The following NMT2 variants were observed in gnomAD, a reference collection of about 807,000 sequenced individuals.
The protein encoded by NMT2 is N-myristoyltransferase 2.
In NMT2, 35 loss-of-function variants were observed where a neutral mutation model predicts 65.4. That is an observed-to-expected ratio of 0.54 (90% CI 0.41 to 0.71). The LOEUF (loss-of-function observed/expected upper bound fraction) is 0.71. NMT2 is among the 30% of genes least tolerant of loss of function. The probability of loss-of-function intolerance (pLI) is 0.00; values close to 1 mark genes in which losing one functional copy is unlikely to be tolerated. For synonymous variants in NMT2, 226 were observed against 231.8 expected (o/e 0.98, Z 0.23); for missense variants, 489 against 611.3 (o/e 0.80, Z 2.11).
intron 1 of NMT2, among the ~76,000 whole-genome samples, chr10:15,168,121 C>T (rs914200416): frequency 1.3e-4 from 20 of 152,178 alleles, no homozygotes; most frequent in African/African-American, 3.9e-4. Context: ...CCCCAGGCTG[C>T]GGCCGCCACA....
intron 3 of NMT2, among the ~76,000 whole-genome samples, chr10:15,134,385 G>A (rs1846397976): frequency 6.6e-6 from 1 of 152,300 alleles, no homozygotes; most frequent in Non-Finnish European, 1.5e-5. Context: ...CCTTCCTGGT[G>A]CCTTCCTTAG....
At chr10:15,117,594 C>T (rs1007772080) in intron 9 of NMT2, among the ~76,000 whole-genome samples, 6 of 152,132 alleles carry the variant, frequency 3.9e-5, no homozygotes, top group Non-Finnish European at 5.9e-5. Flanking sequence ...GGAAAGGAAG[C>T]AATAAAGCTG....
At chr10:15,129,094 G>C (rs1225162298) in intron 7 of NMT2, among the ~76,000 whole-genome samples, 2 of 152,142 alleles carry the variant, frequency 1.3e-5, no homozygotes, top group Non-Finnish European at 2.9e-5. Context: ...CAATCAGAAA[G>C]TTTAAAAACA....
chr10:15,153,255 C>T (rs1459325682), intron 1 of NMT2, among the ~76,000 whole-genome samples: 4 of 152,172 alleles, frequency 2.6e-5, no homozygotes, highest in Admixed American at 1.3e-4. Flanking sequence ...ACCTCCCCTC[C>T]GCCATCTCTA....
At chr10:15,110,166 A>G (rs1335043389) in intron 10 of NMT2, among the ~76,000 whole-genome samples, 6 of 152,140 alleles carry the variant, frequency 3.9e-5, no homozygotes, top group Non-Finnish European at 8.8e-5. Context: ...CCAGCTACTC[A>G]GGAGGCTGAG....
intron 6 of NMT2, among the ~76,000 whole-genome samples, chr10:15,131,298 T>C (rs1846277603): frequency 6.6e-6 from 1 of 151,952 alleles, no homozygotes; most frequent in Non-Finnish European, 1.5e-5. Context: ...GCTATGGCTC[T>C]TTACGTTTCT....
chr10:15,139,129 C>T (rs1463730981), intron 2 of NMT2, among the ~76,000 whole-genome samples: 1 of 152,152 alleles, frequency 6.6e-6, no homozygotes, highest in Non-Finnish European at 1.5e-5. Flanking sequence ...TTCCTGCCCT[C>T]GAACATCAGG....
intron 1 of NMT2, among the ~76,000 whole-genome samples, chr10:15,166,898 G>C (rs927093533): frequency 6.6e-6 from 1 of 152,124 alleles, no homozygotes; most frequent in East Asian, 1.9e-4. Context: ...AACAGTGTAA[G>C]CAAAGAAGTC....
At chr10:15,120,492 C>T (rs538563024) in intron 8 of NMT2, among the ~76,000 whole-genome samples, 3 of 152,068 alleles carry the variant, frequency 2.0e-5, no homozygotes, top group Non-Finnish European at 4.4e-5. Context: ...GGAGGATGTG[C>T]ATACATTATA....
At chr10:15,159,849 T>A (rs921056335) in intron 1 of NMT2, among the ~76,000 whole-genome samples, 5 of 152,156 alleles carry the variant, frequency 3.3e-5, no homozygotes, top group African/African-American at 1.2e-4. Context: ...GAGCCACAGC[T>A]TGGGGCAGGA....
At chr10:15,140,082 C>T (rs1469337960) in intron 2 of NMT2, among the ~76,000 whole-genome samples, 2 of 151,754 alleles carry the variant, frequency 1.3e-5, no homozygotes, top group East Asian at 3.9e-4. Flanking sequence ...AGGTCTCAGA[C>T]ATCACCCCTT....
intron 7 of NMT2, among the ~76,000 whole-genome samples, chr10:15,129,907 CAAA>C (rs753710829): frequency 7.0e-5 from 4 of 57,198 alleles, no homozygotes; most frequent in Admixed American, 1.9e-4. Context: ...GAGTCTGCCT[CAAA>C]AAAAAAAAAA....
intron 1 of NMT2, among the ~76,000 whole-genome samples, chr10:15,149,466 T>C (rs1277979641): frequency 5.9e-3 from 21 of 3,560 alleles, no homozygotes; most frequent in African/African-American, 0.018. Flanking sequence ...ACCATCATCA[T>C]CACCATCATC....
At position 15,157,716 on chromosome 10, in the gene NMT2, T is replaced by C. The variant is rs569801311; in HGVS notation, c.110+10787A>G. The stretch of plus-strand genomic sequence containing the variant: ...AGAGTTCCTAATTATTGATTTGCAA[T>C]ATTCTTTAAGCAAAGAAATGTATGA... On this transcript the variant is annotated intron_variant, in intron 1 of 11. Transcript: ENST00000378165. Among the ~76,000 whole-genome samples the C allele has an allele frequency of 4.5e-4, 69 of 152,338 alleles. No homozygotes were observed. In the South Asian group the frequency reaches 0.013, roughly 29 times the overall value.
At position 15,153,811 on chromosome 10, in the gene NMT2, G is replaced by A. The variant is rs1208974671; in HGVS notation, c.111-12254C>T. 3.3e-5 allele frequency among the ~76,000 whole-genome samples: 5 copies of A among 150,876 alleles called. No individual in the cohort carries two copies. The East Asian group carries it at 5.8e-4, about 18-fold the overall frequency. ...ACTACAGGTGCCCGCCACCACGCCCGGCTAATTTTTTTTTTGTATTTTTAG... is the reference window on the plus strand; with the variant it reads ...ACTACAGGTGCCCGCCACCACGCCCAGCTAATTTTTTTTTTGTATTTTTAG... On this transcript the variant is annotated intron_variant, in intron 1 of 11. Transcript: ENST00000378165.
intron 1 of NMT2, among the ~76,000 whole-genome samples, chr10:15,162,289 C>T (rs1416010882): frequency 6.9e-6 from 1 of 145,090 alleles, no homozygotes; most frequent in East Asian, 2.0e-4. Flanking sequence ...AGATAATCCA[C>T]AGAAGAAAAA....
chr10:15,114,613 T>C (rs1000149096), intron 9 of NMT2, among the ~76,000 whole-genome samples: 2 of 152,320 alleles, frequency 1.3e-5, no homozygotes, highest in East Asian at 3.9e-4. Context: ...CTTCAGCTCA[T>C]TCTAACTTTG....
chr10:15,149,834 C>G (rs912924084), intron 1 of NMT2, among the ~76,000 whole-genome samples: 4 of 152,166 alleles, frequency 2.6e-5, no homozygotes, highest in African/African-American at 9.7e-5. Flanking sequence ...TGAATCCAGA[C>G]AGCCTGGCTC....
At position 15,135,392 on chromosome 10, in the gene NMT2, C is replaced by A. The variant is rs752583371; in HGVS notation, c.273G>T (p.Leu91Phe). The A allele has an allele frequency of 5.0e-6, 8 of 1,614,040 alleles. No individual in the cohort carries two copies. In the African/African-American group the frequency reaches 9.3e-5, roughly 19 times the overall value. ...SKNPSVPMQK[L>F]QDIQRAMELL... is the part of the protein sequence containing the mutation. ...GCTCCATTGCTCTCTGGATATCCTG[C>A]AACTTCTGCATTGGAACACTGGGAT... is the stretch of plus-strand genomic sequence containing the variant. Residue 91 changes from leucine to phenylalanine, a missense_variant, in exon 3 of 12, where the codon TTG becomes TTT. Coordinates refer to ENST00000378165, the MANE Select transcript of NMT2 (RefSeq NM_004808.3).
Sources: gnomAD v4.1 joint callset for allele counts (sites outside exome capture counted in the v4.1 genomes callset) on GRCh38, gnomAD v4.1.1 for gene constraint, MANE v1.5 for transcripts, NCBI Gene and HGNC (gene_info 2026-07-23, HGNC 2026-07-21) for gene names.